Variants in CTDSPL2 observed in about 807,000 individuals in gnomAD.
The protein encoded by CTDSPL2 is CTD small phosphatase like 2, also known as CTD small phosphatase-like protein 2.
In CTDSPL2, 5 loss-of-function variants were observed where a neutral mutation model predicts 60.0. The ratio of observed to expected loss-of-function variants is 0.08; its 90% CI spans 0.04 to 0.18. The LOEUF (loss-of-function observed/expected upper bound fraction) is 0.18. Ranked by LOEUF, CTDSPL2 falls within the 10% of genes least tolerant of loss-of-function variation. The pLI is 1.00. For synonymous variants in CTDSPL2, 186 were observed against 189.3 expected (o/e 0.98, Z 0.14); for missense variants, 370 against 548.8 (o/e 0.67, Z 3.26).
intron 1 of CTDSPL2, among the ~76,000 whole-genome samples, chr15:44,452,961 G>GT (rs2080360843): frequency 6.6e-6 from 1 of 152,102 alleles, no homozygotes; most frequent in Admixed American, 6.5e-5. Flanking sequence ...TATTCGACCA[G>GT]TTTGCTCCTT....
chr15:44,489,916 A>T (rs1457467228), intron 4 of CTDSPL2, among the ~76,000 whole-genome samples: 1 of 152,196 alleles, frequency 6.6e-6, no homozygotes, highest in Non-Finnish European at 1.5e-5. Context: ...GAGATAAATG[A>T]ATTCTGATTC....
intron 1 of CTDSPL2, among the ~76,000 whole-genome samples, 196 bp from the exon 2 acceptor site, chr15:44,458,795 G>A (rs2080501389): frequency 1.3e-5 from 2 of 151,942 alleles, no homozygotes; most frequent in African/African-American, 2.4e-5. Context: ...AGGTTACTTG[G>A]GATAATATAA....
chr15:44,494,849 G>A (rs1288209956), intron 5 of CTDSPL2, among the ~76,000 whole-genome samples: 1 of 150,914 alleles, frequency 6.6e-6, no homozygotes, highest in Non-Finnish European at 1.5e-5. Context: ...CGGTGAGGCG[G>A]AGGTTACAGT....
chr15:44,440,323 G>C (rs1359558066), intron 1 of CTDSPL2, among the ~76,000 whole-genome samples: 2 of 151,774 alleles, frequency 1.3e-5, no homozygotes, highest in Non-Finnish European at 2.9e-5. Flanking sequence ...AGCCTCCGGA[G>C]TAGCTGGGAT....
At chr15:44,515,527 C>T (rs2081634500) in intron 10 of CTDSPL2, among the ~76,000 whole-genome samples, 1 of 152,082 alleles carries the variant, frequency 6.6e-6, no homozygotes. Flanking sequence ...AGGGGTTAAT[C>T]TTTGAATTTT....
intron 5 of CTDSPL2, among the ~76,000 whole-genome samples, chr15:44,496,082 A>C (rs181265782): frequency 6.6e-6 from 1 of 152,234 alleles, no homozygotes; most frequent in Non-Finnish European, 1.5e-5. Flanking sequence ...ATACAATTAG[A>C]AGATTACATT....
At chr15:44,450,506 T>C (rs2141320628) in intron 1 of CTDSPL2, among the ~76,000 whole-genome samples, 1 of 152,216 alleles carries the variant, frequency 6.6e-6, no homozygotes, top group Middle Eastern at 3.4e-3. Context: ...AAACAGTTTA[T>C]TTTCCAACAA....
intron 1 of CTDSPL2, among the ~76,000 whole-genome samples, chr15:44,441,368 T>C (rs1420690077): frequency 6.6e-6 from 1 of 152,158 alleles, no homozygotes; most frequent in Non-Finnish European, 1.5e-5. Flanking sequence ...TAGAAGCTGC[T>C]CCCTTCCTCC....
At chr15:44,431,716 G>GT (rs886785067) in intron 1 of CTDSPL2, among the ~76,000 whole-genome samples, 344 of 133,642 alleles carry the variant, frequency 2.6e-3, no homozygotes, top group Admixed American at 5.0e-3. Context: ...TTGTTTGTTT[G>GT]TTTTTTTTTT....
At chr15:44,444,760 T>C (rs1376832377) in intron 1 of CTDSPL2, among the ~76,000 whole-genome samples, 2 of 149,554 alleles carry the variant, frequency 1.3e-5, no homozygotes, top group East Asian at 3.9e-4. Flanking sequence ...CGTTTAGATA[T>C]ATAGTTTTCC....
At chr15:44,512,084 C>A (rs1225440097) in intron 8 of CTDSPL2, among the ~76,000 whole-genome samples, 1 of 151,598 alleles carries the variant, frequency 6.6e-6, no homozygotes, top group Non-Finnish European at 1.5e-5. Context: ...GTCATCCCAG[C>A]TATGTGGAAG....
At chr15:44,439,392 C>A (rs1283590078) in intron 1 of CTDSPL2, among the ~76,000 whole-genome samples, 1 of 151,988 alleles carries the variant, frequency 6.6e-6, no homozygotes, top group African/African-American at 2.4e-5. Flanking sequence ...TGTGATCTGC[C>A]TGCCCCCCCA....
At chr15:44,461,817 G>T (rs149589413) in intron 2 of CTDSPL2, among the ~76,000 whole-genome samples, 1 of 152,232 alleles carries the variant, frequency 6.6e-6, no homozygotes. Context: ...CATCATAAAG[G>T]TCTTATCCTC....
intron 1 of CTDSPL2, among the ~76,000 whole-genome samples, chr15:44,458,492 A>G (rs576547953): frequency 6.6e-6 from 1 of 152,344 alleles, no homozygotes; most frequent in South Asian, 2.1e-4. Flanking sequence ...GTTGATTATT[A>G]GAATTGTGCT....
intron 5 of CTDSPL2, among the ~76,000 whole-genome samples, chr15:44,494,308 ATAG>A (rs1477292712): frequency 6.6e-6 from 1 of 152,262 alleles, no homozygotes; most frequent in South Asian, 2.1e-4. Flanking sequence ...TAGAAGTAAA[ATAG>A]TAAGTCTTCT....
intron 1 of CTDSPL2, chr15:44,448,811 A>T (rs1322462017): frequency 9.7e-5 from 34 of 351,304 alleles, no homozygotes; most frequent in Non-Finnish European, 1.8e-4. Context: ...TTAGGAGGGA[A>T]AAAAAAATCC....
chr15:44,483,215 A>T (rs2081060394), intron 2 of CTDSPL2, among the ~76,000 whole-genome samples: 1 of 147,930 alleles, frequency 6.8e-6, no homozygotes, highest in Non-Finnish European at 1.5e-5. Flanking sequence ...GTGAGGCATG[A>T]TCGTGCCACT....
intron 1 of CTDSPL2, among the ~76,000 whole-genome samples, chr15:44,444,088 A>G (rs2080149967): frequency 6.6e-6 from 1 of 151,574 alleles, no homozygotes; most frequent in Admixed American, 6.6e-5. Context: ...TTAGTTTTTT[A>G]GGGATGGGGT....
At chr15:44,523,655 T>A (rs1050442487) in intron 12 of CTDSPL2, among the ~76,000 whole-genome samples, 9 of 152,102 alleles carry the variant, frequency 5.9e-5, no homozygotes, top group Non-Finnish European at 1.3e-4. Context: ...CAAATCTTCT[T>A]GGGAGGCCAA....
Sources: gnomAD v4.1 joint callset for allele counts (sites outside exome capture counted in the v4.1 genomes callset) on GRCh38, gnomAD v4.1.1 for gene constraint, MANE v1.5 for transcripts, NCBI Gene and HGNC (gene_info 2026-07-23, HGNC 2026-07-21) for gene names.